Variants in ADGRL2 observed in about 807,000 individuals in gnomAD.
ADGRL2 encodes the protein adhesion G protein-coupled receptor L2.
ADGRL2 carries 44 observed loss-of-function variants against 157.4 expected under a neutral mutation model. That is an observed-to-expected ratio of 0.28 (90% CI 0.22 to 0.36). The LOEUF (loss-of-function observed/expected upper bound fraction) is 0.36. Among genes scored for constraint, ADGRL2 ranks in the 10% least tolerant of loss-of-function variants. ADGRL2 has a pLI of 1.00. For missense variants in ADGRL2, 1,510 were observed against 1,768.9 expected (o/e 0.85, Z 2.63); for synonymous variants, 585 against 624.7 (o/e 0.94, Z 0.95).
chr1:81,798,529 C>T (rs2087707388), upstream of ADGRL2, among the ~76,000 whole-genome samples: 1 of 151,748 alleles, frequency 6.6e-6, no homozygotes, highest in African/African-American at 2.4e-5. Context: ...ATAGAATACA[C>T]ATCCTATTGA....
At chr1:81,392,902 G>T (rs1017797367) in intron 1 of ADGRL2, among the ~76,000 whole-genome samples, 1 of 151,986 alleles carries the variant, frequency 6.6e-6, no homozygotes, top group African/African-American at 2.4e-5. Context: ...GATTCACAAT[G>T]TTTTTCTGAA....
At chr1:81,973,576 C>G (rs1248598857) in intron 17 of ADGRL2, among the ~76,000 whole-genome samples, 1 of 152,034 alleles carries the variant, frequency 6.6e-6, no homozygotes, top group Non-Finnish European at 1.5e-5. Flanking sequence ...TTTCAATTAG[C>G]AAAAGAAGTT....
At chr1:81,604,117 C>G (rs2081386381) in intron 3 of ADGRL2, among the ~76,000 whole-genome samples, 1 of 152,038 alleles carries the variant, frequency 6.6e-6, no homozygotes, top group Non-Finnish European at 1.5e-5. Context: ...GCGCATGCCA[C>G]CACACCCGGT....
chr1:81,475,720 G>C (rs2078258793), intron 2 of ADGRL2, among the ~76,000 whole-genome samples: 1 of 152,108 alleles, frequency 6.6e-6, no homozygotes. Context: ...AAAACTGTAA[G>C]TGATAAAGAC....
intron 3 of ADGRL2, among the ~76,000 whole-genome samples, chr1:81,644,247 A>G (rs1159495371): frequency 1.3e-5 from 2 of 152,178 alleles, no homozygotes; most frequent in Admixed American, 1.3e-4. Context: ...CTAAATGTAA[A>G]CCACAAAAGT....
intron 1 of ADGRL2, among the ~76,000 whole-genome samples, chr1:81,751,804 C>G (rs113325082): frequency 6.6e-6 from 1 of 152,094 alleles, no homozygotes; most frequent in Admixed American, 6.6e-5. Flanking sequence ...ATCATGTTGA[C>G]ACATTACTCT....
intron 2 of ADGRL2, among the ~76,000 whole-genome samples, chr1:81,906,563 TA>T: frequency 6.6e-6 from 1 of 152,248 alleles, no homozygotes; most frequent in East Asian, 1.9e-4. Flanking sequence ...AAGATGAAGG[TA>T]TTTTTTAAGA....
In ADGRL2 at chr1:81,979,515, G is replaced by A. The variant is rs182896072; in HGVS notation, c.3022-354G>A. ...AACCCAGCAATTTTGTAGATTACAT[G>A]ATGTACATTATGTAAATGCTCCTTC... On this transcript the variant is annotated intron_variant, in intron 17 of 23. Coordinates refer to ENST00000686636, the MANE Select transcript of ADGRL2 (RefSeq NM_001366006.2). 3.6e-3 allele frequency among the ~76,000 whole-genome samples: 552 copies of A among 151,850 alleles called. 6 individuals carry two copies. The highest frequency in any genetic ancestry group is 0.013 in the African/African-American group (527 of 41,510).
At chr1:81,342,520 G>C (rs1662145671) in intron 1 of ADGRL2, among the ~76,000 whole-genome samples, 1 of 152,056 alleles carries the variant, frequency 6.6e-6, no homozygotes, top group Non-Finnish European at 1.5e-5. Flanking sequence ...ACAAATGATA[G>C]CTGGAAAAAG....
intron 1 of ADGRL2, among the ~76,000 whole-genome samples, chr1:81,822,485 G>C (rs1384833299): frequency 6.6e-6 from 1 of 150,576 alleles, no homozygotes; most frequent in African/African-American, 2.4e-5. Flanking sequence ...ATAATCCCTG[G>C]GTTTTATTTT....
intron 2 of ADGRL2, among the ~76,000 whole-genome samples, chr1:81,468,209 T>C (rs566208563): frequency 3.9e-5 from 6 of 152,316 alleles, no homozygotes; most frequent in East Asian, 3.9e-4. Context: ...GATTCTAGCA[T>C]TGACCAGTAA....
intron 3 of ADGRL2, among the ~76,000 whole-genome samples, chr1:81,619,608 A>G (rs1427629976): frequency 2.9e-5 from 2 of 68,306 alleles, no homozygotes; most frequent in African/African-American, 8.6e-5. Flanking sequence ...AAAGAGTAAT[A>G]TAATACCATT....
intron 1 of ADGRL2, among the ~76,000 whole-genome samples, chr1:81,396,695 A>G (rs1019940167): frequency 6.6e-6 from 1 of 152,176 alleles, no homozygotes; most frequent in African/African-American, 2.4e-5. Flanking sequence ...GAGGGGTTTT[A>G]TAACGAAGGG....
chr1:81,339,995 C>G (rs934344461), intron 1 of ADGRL2, among the ~76,000 whole-genome samples: 1 of 152,044 alleles, frequency 6.6e-6, no homozygotes, highest in African/African-American at 2.4e-5. Context: ...AAGAGATTCT[C>G]AAAAAGAGCT....
intron 3 of ADGRL2, among the ~76,000 whole-genome samples, chr1:81,655,291 T>C (rs59163516): frequency 0.017 from 2,522 of 152,292 alleles, 27 homozygotes; most frequent in South Asian, 0.033. Context: ...TGAGCCACCG[T>C]GCCCGGCCTC....
chr1:81,481,199 T>G (rs538631355), intron 2 of ADGRL2, among the ~76,000 whole-genome samples: 177 of 152,258 alleles, frequency 1.2e-3, no homozygotes, highest in African/African-American at 3.8e-3. Flanking sequence ...ATGGAGGAGC[T>G]AATTGAGATT....
intron 2 of ADGRL2, among the ~76,000 whole-genome samples, chr1:81,840,765 T>C (rs1363593227): frequency 1.3e-5 from 2 of 152,298 alleles, no homozygotes. Flanking sequence ...ATTTAGAATT[T>C]CCAAATAAAA....
At chr1:81,588,865 A>C (rs1175304983) in intron 3 of ADGRL2, among the ~76,000 whole-genome samples, 1 of 152,156 alleles carries the variant, frequency 6.6e-6, no homozygotes, top group Non-Finnish European at 1.5e-5. Flanking sequence ...TAAGGAGCTC[A>C]AAGTAATCTG....
At chr1:81,776,076 C>T (rs2086569499) in intron 2 of ADGRL2, among the ~76,000 whole-genome samples, 1 of 152,058 alleles carries the variant, frequency 6.6e-6, no homozygotes, top group South Asian at 2.1e-4. Context: ...TTTGGGTTAG[C>T]ATCATCAGGA....
Sources: allele counts gnomAD v4.1 joint callset (sites outside exome capture counted in the v4.1 genomes callset), GRCh38; gene constraint gnomAD v4.1.1; transcripts MANE v1.5; gene names NCBI Gene and HGNC (gene_info 2026-07-23, HGNC 2026-07-21).